Variants in GATAD1 observed in about 807,000 individuals in gnomAD.
The protein encoded by GATAD1 is GATA zinc finger domain containing 1, also known as GATA zinc finger domain-containing protein 1.
A neutral mutation model predicts 26.5 loss-of-function variants in GATAD1; 12 were observed. The observed-to-expected ratio is 0.45, with a 90% confidence interval of 0.29 to 0.73. The LOEUF (loss-of-function observed/expected upper bound fraction) is 0.73, where lower values mean the gene tolerates loss of function less well. Among genes scored for constraint, GATAD1 ranks in the 30% least tolerant of loss-of-function variants. The pLI is 0.10. For synonymous variants in GATAD1, 129 were observed against 133.1 expected, an observed-to-expected ratio of 0.97 and a Z score of 0.21; for missense variants, 266 against 342.1, an observed-to-expected ratio of 0.78 and a Z score of 1.75.
chr7:92,450,391 G>A (rs1789376631), intron 2 of GATAD1: 1 of 321,194 alleles, frequency 3.1e-6, no homozygotes, highest in Non-Finnish European at 5.7e-6. Context: ...TATTAGAGCA[G>A]GTACATTTTT....
At chr7:92,468,987 T>C in the GATAD1 span, 7 of 760,414 alleles carry the variant, frequency 9.2e-6, no homozygotes, top group East Asian at 1.7e-4. Flanking sequence ...AGATACAGGG[T>C]CCAAAGAGGA....
At chr7:92,488,258 C>T in the GATAD1 span, among the ~76,000 whole-genome samples, 1 of 152,098 alleles carries the variant, frequency 6.6e-6, no homozygotes, top group Non-Finnish European at 1.5e-5. Context: ...AACAAATATG[C>T]TTTGGGAGGT....
the GATAD1 span, chr7:92,487,494 GT>G: frequency 6.3e-7 from 1 of 1,595,816 alleles, no homozygotes; most frequent in Non-Finnish European, 8.6e-7. Flanking sequence ...TCGAAACATT[GT>G]TCCACTTTGA....
the GATAD1 span, among the ~76,000 whole-genome samples, chr7:92,474,227 G>A: frequency 6.6e-6 from 1 of 152,090 alleles, no homozygotes; most frequent in Non-Finnish European, 1.5e-5. Flanking sequence ...AAGTTCAATA[G>A]GGTTTCTAAG....
At chr7:92,475,620 G>A in the GATAD1 span, among the ~76,000 whole-genome samples, 4 of 151,116 alleles carry the variant, frequency 2.6e-5, no homozygotes, top group Admixed American at 6.6e-5. Flanking sequence ...TCTGTTTATC[G>A]GATTAGTTAT....
downstream of GATAD1, among the ~76,000 whole-genome samples, chr7:92,463,959 C>T (rs1242863322): frequency 6.6e-6 from 1 of 151,942 alleles, no homozygotes; most frequent in Non-Finnish European, 1.5e-5. Flanking sequence ...CAGAGCGAGA[C>T]TTAGTCTCAA....
the GATAD1 span, among the ~76,000 whole-genome samples, chr7:92,484,632 G>A: frequency 6.6e-6 from 1 of 152,282 alleles, no homozygotes; most frequent in South Asian, 2.1e-4. Context: ...GAGATTGAAG[G>A]GTAGTGAGAG....
the GATAD1 span, among the ~76,000 whole-genome samples, chr7:92,466,737 C>T: frequency 6.6e-6 from 1 of 152,176 alleles, no homozygotes; most frequent in Non-Finnish European, 1.5e-5. Flanking sequence ...GAGAACTTGA[C>T]AGCACCACTG....
At chr7:92,448,218 A>G (rs1245638492) in intron 1 of GATAD1, among the ~76,000 whole-genome samples, 1 of 152,268 alleles carries the variant, frequency 6.6e-6, no homozygotes, top group Non-Finnish European at 1.5e-5. Flanking sequence ...ATCTCAATAT[A>G]CACATGTCTA....
the GATAD1 span, among the ~76,000 whole-genome samples, chr7:92,483,441 G>T: frequency 6.6e-6 from 1 of 152,212 alleles, no homozygotes; most frequent in Non-Finnish European, 1.5e-5. Context: ...GGTTAATTAA[G>T]TCCTGTTGTG....
the GATAD1 span, among the ~76,000 whole-genome samples, chr7:92,466,807 A>G: frequency 6.6e-6 from 1 of 152,118 alleles, no homozygotes. Context: ...GTTATCTAAG[A>G]TATCAACTTT....
chr7:92,453,942 A>G (rs1789549399), intron 3 of GATAD1: 1 of 156,250 alleles, frequency 6.4e-6, no homozygotes. Context: ...ATGATACTAT[A>G]ATGGTGGGTA....
the GATAD1 span, chr7:92,473,162 C>G: frequency 6.6e-6 from 1 of 152,164 alleles, no homozygotes; most frequent in South Asian, 2.1e-4. Flanking sequence ...GGACTGTAAA[C>G]CACTCTGCTT....
intron 2 of GATAD1, chr7:92,449,411 A>G (rs1351033104): frequency 4.1e-6 from 4 of 983,642 alleles, no homozygotes; most frequent in Non-Finnish European, 4.8e-6. Flanking sequence ...AAGAAAAGAG[A>G]TTGTTGAAAG....
At chr7:92,450,453 T>G (rs1488766484) in intron 2 of GATAD1, 2 of 490,596 alleles carry the variant, frequency 4.1e-6, no homozygotes. Flanking sequence ...TTGCATTAGA[T>G]CTCAGCAGCA....
the GATAD1 span, chr7:92,491,610 A>C: frequency 2.8e-6 from 2 of 710,360 alleles, no homozygotes; most frequent in Non-Finnish European, 4.9e-6. Flanking sequence ...GAAACTTAGA[A>C]GCATTTTTCA....
chr7:92,482,407 T>C, the GATAD1 span, among the ~76,000 whole-genome samples: 6,257 of 152,298 alleles, frequency 0.041, 161 homozygotes, highest in African/African-American at 0.055. Context: ...GTAAGACTTA[T>C]CTGGTTTTTA....
downstream of GATAD1, among the ~76,000 whole-genome samples, chr7:92,464,755 G>C (rs1002629845): frequency 3.9e-5 from 6 of 152,152 alleles, no homozygotes; most frequent in African/African-American, 9.7e-5. Flanking sequence ...TTCAGCAAAG[G>C]CATCGTTTTT....
chr7:92,447,855 G>T lies in GATAD1; in HGVS notation c.126G>T (p.Gly42=). 7.2e-7 allele frequency: 1 copy of T among 1,381,314 alleles called. No homozygotes were observed. Among genetic ancestry groups the T allele is most frequent in the Non-Finnish European group, 9.4e-7 (1 of 1,063,106 alleles). The allele number at this position is 1,381,314 out of a possible 1,614,324, so 85.6% of individuals were successfully genotyped here. The part of the protein sequence containing the change: ...HCTGRGGAGS[G]GAGSGAAGGT... Reference sequence around the variant, plus strand: ...CTGGCCGGGGCGGCGCGGGCAGCGGGGGCGCAGGCTCGGGGGCGGCTGGAG... The same window carrying T: ...CTGGCCGGGGCGGCGCGGGCAGCGGTGGCGCAGGCTCGGGGGCGGCTGGAG... Residue 42 remains glycine, a synonymous_variant, in exon 1 of 5, where the codon GGG becomes GGT. Coordinates refer to ENST00000287957, the MANE Select transcript of GATAD1 (RefSeq NM_021167.5).
Sources: gnomAD v4.1 joint callset for allele counts (sites outside exome capture counted in the v4.1 genomes callset) on GRCh38, gnomAD v4.1.1 for gene constraint, MANE v1.5 for transcripts, NCBI Gene and HGNC (gene_info 2026-07-23, HGNC 2026-07-21) for gene names.